The following CEP97 variants were observed in gnomAD, a reference collection of about 807,000 sequenced individuals.
CEP97 encodes centrosomal protein 97.
CEP97 carries 43 observed loss-of-function variants against 73.1 expected under a neutral mutation model. That is an observed-to-expected ratio of 0.59 (90% confidence interval 0.46 to 0.76). The LOEUF is 0.76. CEP97 is among the 30% of genes least tolerant of loss of function. CEP97 has a pLI of 0.00. For missense variants in CEP97, 939 were observed against 1,014.0 expected (o/e 0.93, Z 1.00); for synonymous variants, 337 against 370.0 (o/e 0.91, Z 1.02).
At chr3:101,752,655 C>T (rs1373639050) in intron 6 of CEP97, among the ~76,000 whole-genome samples, 1 of 152,160 alleles carries the variant, frequency 6.6e-6, no homozygotes, top group African/African-American at 2.4e-5. Context: ...CATCTTCCAT[C>T]ACTGATACCC....
Position 101,765,057 on chromosome 3 carries a change from G to C in CEP97, c.2104G>C (p.Gly702Arg). The change falls in exon 11 of 11, where the codon GGT becomes CGT. Residue 702 changes from glycine (G) to arginine (R), a missense_variant. Coordinates refer to ENST00000341893, the MANE Select transcript of CEP97 (RefSeq NM_024548.4). ...ATCATTACCAGAATTTCCAGACTCT[G>C]GTTTTCATTCCTCTCTAACAGAACA... ...EKSLPEFPDSGFHSSLTEQVH... is the reference protein window; with the variant it reads ...EKSLPEFPDSRFHSSLTEQVH... The C allele has an allele frequency of 6.2e-7, 1 of 1,614,060 alleles. No homozygotes were observed. The highest frequency in any genetic ancestry group is 8.5e-7 in the Non-Finnish European group (1 of 1,180,008).
chr3:101,727,744 T>C (rs1259763345), intron 3 of CEP97, among the ~76,000 whole-genome samples: 1 of 152,218 alleles, frequency 6.6e-6, no homozygotes, highest in African/African-American at 2.4e-5. Context: ...GAATCTATAT[T>C]GTACTTAGAA....
intron 6 of CEP97, among the ~76,000 whole-genome samples, chr3:101,752,560 A>G (rs1454504275): frequency 2.6e-5 from 4 of 152,180 alleles, no homozygotes; most frequent in Admixed American, 2.6e-4. Flanking sequence ...GTCTTTTCAC[A>G]TAGTCCCTAT....
At chr3:101,764,247 C>T (rs1939247859) in intron 10 of CEP97, among the ~76,000 whole-genome samples, 1 of 152,200 alleles carries the variant, frequency 6.6e-6, no homozygotes, top group African/African-American at 2.4e-5. Context: ...AGAAGGATTG[C>T]TTGAGCCCAG....
At position 101,758,329 on chromosome 3, in the gene CEP97, A is replaced by G. The variant is rs1939077270; in HGVS notation, c.1723A>G (p.Arg575Gly). Residue 575 changes from arginine to glycine, a missense_variant, in exon 9 of 11, where the codon AGG becomes GGG. By Grantham distance (125) the Arg-to-Gly change is moderately radical. Coordinates refer to ENST00000341893, the MANE Select transcript of CEP97 (RefSeq NM_024548.4). ...GGCCTGTTGGCGGGGATTTTATGCC[A>G]GGAACTACAACCCTCAAGCCAAAGA... Reference protein sequence around the residue: ...LQACWRGFYARNYNPQAKDVR... With the variant: ...LQACWRGFYAGNYNPQAKDVR... The G allele has an allele frequency of 1.2e-6, 2 of 1,614,112 alleles. No individual in the cohort carries two copies.
chr3:101,736,506 A>G (rs559252773), intron 6 of CEP97, among the ~76,000 whole-genome samples: 102 of 152,378 alleles, frequency 6.7e-4, no homozygotes, highest in Middle Eastern at 6.8e-3. Context: ...AGGAAGGAAC[A>G]GGCAGCAATC....
intron 1 of CEP97, 63 bp from the exon 2 acceptor site, chr3:101,726,531 T>G (rs1032895650): frequency 3.6e-5 from 46 of 1,270,120 alleles, no homozygotes; most frequent in Middle Eastern, 4.5e-4. Context: ...TCCAGCCCTA[T>G]GCTTAGCTGT....
At position 101,758,819 on chromosome 3, in the gene CEP97, A is replaced by G. The variant is rs114441945; in HGVS notation, c.1817+396A>G. ...ATAAAGAAAATAGCAGGGATTCAGA[A>G]GGGGCTAAAATTCTATATGACTACA... is the stretch of plus-strand genomic sequence containing the variant. On this transcript the variant is annotated intron_variant, in intron 9 of 10. Coordinates refer to ENST00000341893, the MANE Select transcript of CEP97 (RefSeq NM_024548.4). The G allele has an allele frequency of 5.8e-3, 1,009 of 173,814 alleles. 10 individuals are homozygous for G. Among genetic ancestry groups the G allele is most frequent in the African/African-American group, 0.022 (915 of 41,980 alleles). 10.8% of individuals were successfully genotyped at this position (173,814 alleles called of 1,614,324 possible).
Position 101,757,955 on chromosome 3 carries a change from A to G in CEP97, c.1349A>G (p.Lys450Arg), listed in dbSNP as rs771592287. ...GGGCTGGAAAGCCAGGTGTTGGATA[A>G]GGAAGAGGAACAGCCTTTATGGGCT... ...VKGLESQVLD[K>R]EEEQPLWAAN... is the part of the protein sequence containing the mutation. The change falls in exon 9 of 11, where the codon AAG (lysine) becomes AGG (arginine). Residue 450 changes from lysine to arginine, a missense_variant. Transcript: ENST00000341893. 5 of 1,614,114 alleles carry G rather than the reference A, an allele frequency of 3.1e-6. No homozygotes were observed. The highest frequency in any genetic ancestry group is 1.7e-5 in the Admixed American group (1 of 60,004).
intron 6 of CEP97, among the ~76,000 whole-genome samples, chr3:101,734,799 A>G (rs910415681): frequency 6.6e-6 from 1 of 152,298 alleles, no homozygotes; most frequent in Non-Finnish European, 1.5e-5. Flanking sequence ...TGGGAGTAGG[A>G]CTGGCAACAT....
At chr3:101,734,072 C>T (rs568452876) in intron 6 of CEP97, among the ~76,000 whole-genome samples, 18 of 152,168 alleles carry the variant, frequency 1.2e-4, no homozygotes, top group Non-Finnish European at 1.0e-4. Flanking sequence ...GTGATGCGCC[C>T]GCCTCGGCCT....
chr3:101,757,637 C>T lies in CEP97; in HGVS notation c.1031C>T (p.Pro344Leu), dbSNP rs150469920. ...GATACTCTGTTGATTCTTCTAGAAC[C>T]CGTCATTCAAGTGAATTCTTGGGTT... ...QDCQISQESE[P>L]VIQVNSWVGI... Residue 344 changes from proline (P) to leucine (L), a missense_variant, in exon 9 of 11, where the codon CCC becomes CTC. Physicochemically the swap from Pro to Leu is moderately conservative, Grantham distance 98 (BLOSUM62 -3). Coordinates refer to ENST00000341893, the MANE Select transcript of CEP97 (RefSeq NM_024548.4). The T allele has an allele frequency of 5.6e-5, 90 of 1,611,298 alleles. No individual in the cohort carries two copies. Among genetic ancestry groups the T allele is most frequent in the Non-Finnish European group, 7.0e-5 (83 of 1,177,950 alleles).
At chr3:101,735,948 T>C (rs1576680113) in intron 6 of CEP97, among the ~76,000 whole-genome samples, 1 of 152,038 alleles carries the variant, frequency 6.6e-6, no homozygotes, top group South Asian at 2.1e-4. Context: ...ATACACAGGG[T>C]TGAAATTCTT....
intron 10 of CEP97, among the ~76,000 whole-genome samples, chr3:101,762,772 A>T (rs1939206553): frequency 6.6e-6 from 1 of 152,342 alleles, no homozygotes; most frequent in East Asian, 1.9e-4. Flanking sequence ...TTTTGACAAG[A>T]AAAACAAAAT....
chr3:101,748,221 A>C (rs1302144375), intron 6 of CEP97, among the ~76,000 whole-genome samples: 2 of 150,038 alleles, frequency 1.3e-5, no homozygotes, highest in East Asian at 3.9e-4. Flanking sequence ...TTTAATTGAC[A>C]GGGAGTTTTT....
intron 6 of CEP97, among the ~76,000 whole-genome samples, chr3:101,738,032 A>AAG (rs1938337408): frequency 3.3e-5 from 5 of 151,246 alleles, no homozygotes; most frequent in Admixed American, 3.3e-4. Context: ...AAAAAAAAAA[A>AAG]AAGCAGGGGT....
chr3:101,768,682 T>A lies in CEP97; in HGVS notation c.*3131T>A, dbSNP rs2611839. 0.98 allele frequency: 148,686 copies of A among 151,744 alleles called. 72,895 individuals are homozygous for A. Among genetic ancestry groups the A allele is most frequent in the East Asian group, 0.99 (5,079 of 5,156 alleles). 9.4% of individuals were successfully genotyped at this position (151,744 alleles called of 1,614,324 possible). A position where few individuals can be genotyped will look rare whatever the true frequency, so the allele number is the denominator to read the frequency against. On this transcript the variant is annotated 3_prime_UTR_variant, in exon 11 of 11. Coordinates refer to ENST00000341893, the MANE Select transcript of CEP97 (RefSeq NM_024548.4). The stretch of plus-strand genomic sequence containing the variant: ...AAGACCCCCCTCTCTACAAAAAAAA[T>A]TTTTTTCTGAAAAGAATAAGTACAT...
At chr3:101,760,990 G>A (rs1468679771) in intron 9 of CEP97, among the ~76,000 whole-genome samples, 1 of 151,762 alleles carries the variant, frequency 6.6e-6, no homozygotes, top group African/African-American at 2.4e-5. Context: ...AGCCTCCCGA[G>A]TAGCTGGGAT....
intron 4 of CEP97, among the ~76,000 whole-genome samples, chr3:101,730,092 C>T (rs1026158346): frequency 6.6e-6 from 1 of 152,096 alleles, no homozygotes; most frequent in Admixed American, 6.5e-5. Flanking sequence ...AAGCGTGAGC[C>T]ACTGCACCTG....
Sources: allele counts gnomAD v4.1 joint callset (sites outside exome capture counted in the v4.1 genomes callset), GRCh38; gene constraint gnomAD v4.1.1; transcripts MANE v1.5; gene names NCBI Gene and HGNC (gene_info 2026-07-23, HGNC 2026-07-21).